The following SASH1 variants were observed in gnomAD, a reference collection of about 807,000 sequenced individuals.
The protein encoded by SASH1 is SAM and SH3 domain containing 1.
Under a neutral mutation model 125.2 loss-of-function variants are expected in SASH1, and 44 were observed. That is an observed-to-expected ratio of 0.35 (90% CI 0.28 to 0.45). The LOEUF is 0.45. SASH1 is among the 20% of genes least tolerant of loss of function. The pLI is 1.00. For synonymous variants in SASH1, 639 were observed against 649.1 expected, an observed-to-expected ratio of 0.98 and a Z score of 0.24; for missense variants, 1,426 against 1,614.5, an observed-to-expected ratio of 0.88 and a Z score of 2.00.
chr6:148,340,928 G>C (rs933929365), upstream of SASH1, among the ~76,000 whole-genome samples: 1 of 152,134 alleles, frequency 6.6e-6, no homozygotes, highest in African/African-American at 2.4e-5. Flanking sequence ...TTGAGTCCAG[G>C]AGTTTGAGAC....
At chr6:148,444,589 A>G (rs1776696632) in intron 4 of SASH1, among the ~76,000 whole-genome samples, 1 of 152,180 alleles carries the variant, frequency 6.6e-6, no homozygotes, top group Non-Finnish European at 1.5e-5. Context: ...TTCTTACACT[A>G]TCTGGTCTCT....
At chr6:148,333,631 G>C (rs183212175) in intron 1 of SASH1, among the ~76,000 whole-genome samples, 1 of 150,280 alleles carries the variant, frequency 6.7e-6, no homozygotes, top group Admixed American at 6.6e-5. Flanking sequence ...GCGCGATCTC[G>C]GCTCACCACA....
chr6:148,240,407 G>A, the SASH1 span, among the ~76,000 whole-genome samples: 18 of 152,298 alleles, frequency 1.2e-4, no homozygotes, highest in Admixed American at 2.0e-4. Context: ...AAGTTGGCAG[G>A]AATGAAGAAG....
the SASH1 span, among the ~76,000 whole-genome samples, chr6:148,207,366 A>G: frequency 6.6e-6 from 1 of 152,108 alleles, no homozygotes; most frequent in Non-Finnish European, 1.5e-5. Flanking sequence ...GCTAGTGGCT[A>G]CCACACTGAA....
In SASH1 at chr6:148,425,086, AG is replaced by A. The variant is rs540025037; in HGVS notation, c.286-15095del. ...GCGGCATACTTGGTCATCATGGTCA[AG>A]GGTCCCTGAAGCTCATGGAAGAGAT... On this transcript the variant is annotated intron_variant, in intron 2 of 19. Coordinates refer to ENST00000367467, the MANE Select transcript of SASH1 (RefSeq NM_015278.5). 1.6e-4 allele frequency among the ~76,000 whole-genome samples: 25 copies of A among 152,286 alleles called. 1 individual carries two copies. In the South Asian group the frequency reaches 5.0e-3, roughly 30 times the overall value.
intron 1 of SASH1, among the ~76,000 whole-genome samples, chr6:148,295,888 T>G (rs1417543428): frequency 2.6e-5 from 4 of 152,244 alleles, no homozygotes; most frequent in Admixed American, 1.3e-4. Flanking sequence ...AAATTGTTAA[T>G]TTTCAATATT....
chr6:148,369,037 G>C (rs1468819597), intron 1 of SASH1, among the ~76,000 whole-genome samples: 1 of 152,186 alleles, frequency 6.6e-6, no homozygotes, highest in African/African-American at 2.4e-5. Flanking sequence ...GCAACATTGT[G>C]GTGGAGCTGC....
At chr6:148,317,988 T>C (rs576126920) in intron 1 of SASH1, among the ~76,000 whole-genome samples, 1 of 152,316 alleles carries the variant, frequency 6.6e-6, no homozygotes, top group African/African-American at 2.4e-5. Flanking sequence ...GTCATTTTAA[T>C]ACTAGCAAGT....
intron 1 of SASH1, among the ~76,000 whole-genome samples, chr6:148,354,753 CTTATT>C (rs1045774918): frequency 6.6e-6 from 1 of 152,076 alleles, no homozygotes; most frequent in African/African-American, 2.4e-5. Flanking sequence ...AAACCTGCCA[CTTATT>C]TTATTTTATT....
the SASH1 span, among the ~76,000 whole-genome samples, chr6:148,237,819 A>G: frequency 6.6e-6 from 1 of 152,190 alleles, no homozygotes; most frequent in Non-Finnish European, 1.5e-5. Context: ...TAGTTGAAAG[A>G]GCCTGAAAAT....
chr6:148,203,022 A>G, the SASH1 span, among the ~76,000 whole-genome samples: 1 of 152,202 alleles, frequency 6.6e-6, no homozygotes, highest in Admixed American at 6.5e-5. Flanking sequence ...AAGAAGTAAC[A>G]AGACCAAATT....
intron 2 of SASH1, among the ~76,000 whole-genome samples, chr6:148,432,484 C>A (rs1776105234): frequency 1.3e-5 from 2 of 152,178 alleles, no homozygotes; most frequent in Non-Finnish European, 2.9e-5. Flanking sequence ...GAGCTTGGGT[C>A]CTTCCATTAA....
At chr6:148,301,748 T>G (rs1779951913) in intron 1 of SASH1, among the ~76,000 whole-genome samples, 1 of 73,854 alleles carries the variant, frequency 1.4e-5, no homozygotes, top group Non-Finnish European at 3.0e-5. Context: ...CTTGGTGATT[T>G]TTTTTTTTTT....
chr6:148,319,741 C>T (rs1780591015), intron 1 of SASH1, among the ~76,000 whole-genome samples: 1 of 152,078 alleles, frequency 6.6e-6, no homozygotes, highest in East Asian at 1.9e-4. Flanking sequence ...CTCGAATTCC[C>T]GATCTCAGGT....
chr6:148,250,369 CAG>C, the SASH1 span, among the ~76,000 whole-genome samples: 1 of 152,182 alleles, frequency 6.6e-6, no homozygotes, highest in Middle Eastern at 3.4e-3. Context: ...TTCTGGCTAA[CAG>C]AGAGAAAAAT....
the SASH1 span, among the ~76,000 whole-genome samples, chr6:148,220,393 C>T: frequency 4.1e-3 from 626 of 152,302 alleles, 2 homozygotes; most frequent in South Asian, 0.011. Flanking sequence ...CTAATCCATT[C>T]ATAAGGGTGG....
chr6:148,384,724 CT>C (rs1232702813), intron 1 of SASH1, among the ~76,000 whole-genome samples: 1 of 152,076 alleles, frequency 6.6e-6, no homozygotes, highest in Non-Finnish European at 1.5e-5. Context: ...AAGAGCATGG[CT>C]TTTTAAAAAC....
At chr6:148,485,777 A>T (rs1270528940) in intron 7 of SASH1, among the ~76,000 whole-genome samples, 1 of 152,226 alleles carries the variant, frequency 6.6e-6, no homozygotes, top group East Asian at 1.9e-4. Context: ...CTGTCATTGT[A>T]GTGGCGCTAC....
rs1184758600 is a variant in SASH1, at chr6:148,495,899, G to A, written c.729+8184G>A. On this transcript the variant is annotated intron_variant, in intron 8 of 19. Coordinates refer to ENST00000367467, the MANE Select transcript of SASH1 (RefSeq NM_015278.5). The surrounding 1 kb of genome is among the most constrained non-coding windows in gnomAD (Gnocchi z 4.0). The stretch of plus-strand genomic sequence containing the variant: ...CACCCAGGCTGGAGTGCAGTGGCAC[G>A]ATCTCGGCCCTCTGCAACCTCCACC... Among the ~76,000 whole-genome samples, 2 of 152,096 alleles carry A rather than the reference G, an allele frequency of 1.3e-5. No homozygotes were observed. Among genetic ancestry groups the A allele is most frequent in the African/African-American group, 4.8e-5 (2 of 41,428 alleles).
Sources: gnomAD v4.1 joint callset for allele counts (sites outside exome capture counted in the v4.1 genomes callset) on GRCh38, gnomAD v4.1.1 for gene constraint, Gnocchi (gnomAD v3.1) non-coding constraint, MANE v1.5 for transcripts, NCBI Gene and HGNC (gene_info 2026-07-23, HGNC 2026-07-21) for gene names.